Variants in NAALADL2 observed in about 807,000 individuals in gnomAD.
The protein encoded by NAALADL2 is N-acetylated alpha-linked acidic dipeptidase like 2.
Under a neutral mutation model 87.2 loss-of-function variants are expected in NAALADL2, and 76 were observed. That is an observed-to-expected ratio of 0.87 (90% CI 0.72 to 1.05). The LOEUF is 1.05. Ranked by LOEUF, NAALADL2 falls within the 50% of genes least tolerant of loss-of-function variation. The probability of loss-of-function intolerance (pLI) is 0.00; values close to 1 mark genes in which losing one functional copy is unlikely to be tolerated. For missense variants in NAALADL2, 1,089 were observed against 945.8 expected, an observed-to-expected ratio of 1.15 and a Z score of -1.99; for synonymous variants, 354 against 331.0, an observed-to-expected ratio of 1.07 and a Z score of -0.75.
intron 5 of NAALADL2, among the ~76,000 whole-genome samples, chr3:175,328,749 G>C (rs777901674): frequency 6.6e-6 from 1 of 152,146 alleles, no homozygotes; most frequent in African/African-American, 2.4e-5. Context: ...TATAATACCA[G>C]TGATAGGTTG....
upstream of NAALADL2, among the ~76,000 whole-genome samples, chr3:174,857,813 A>G (rs1477889989): frequency 6.6e-6 from 1 of 152,106 alleles, no homozygotes; most frequent in African/African-American, 2.4e-5. Context: ...GCTCCCTCAT[A>G]GAAGAAACTG....
chr3:175,666,192 A>G (rs972320492), intron 11 of NAALADL2, among the ~76,000 whole-genome samples: 3 of 152,100 alleles, frequency 2.0e-5, no homozygotes, highest in Non-Finnish European at 4.4e-5. Context: ...GGTGTATGGC[A>G]TTAAGTAGGG....
Position 175,806,739 on chromosome 3 carries a change from A to C in NAALADL2, c.*3536A>C, listed in dbSNP as rs2108378296. ...TAATTCCCACAACAACCCATTTCAA[A>C]ATGAGAAAACTAGGTTGAGTGACTT... On this transcript the variant is annotated 3_prime_UTR_variant, in exon 14 of 14. Coordinates refer to ENST00000454872, the MANE Select transcript of NAALADL2 (RefSeq NM_207015.3). 6.7e-6 allele frequency: 1 copy of C among 148,540 alleles called. No homozygotes were observed. The highest frequency in any genetic ancestry group is 6.7e-5 in the Admixed American group (1 of 14,896). The allele number at this position is 148,540 out of a possible 1,614,324, so 9.2% of individuals were successfully genotyped here. A position where few individuals can be genotyped will look rare whatever the true frequency, so the allele number is the denominator to read the frequency against.
chr3:175,654,273 T>G (rs1365744020), intron 11 of NAALADL2, among the ~76,000 whole-genome samples: 1 of 152,196 alleles, frequency 6.6e-6, no homozygotes, highest in Non-Finnish European at 1.5e-5. Flanking sequence ...ATTTGTCTGC[T>G]TTAAAAAACT....
chr3:175,306,281 T>G (rs1016770543), intron 4 of NAALADL2, among the ~76,000 whole-genome samples: 2 of 152,192 alleles, frequency 1.3e-5, no homozygotes, highest in African/African-American at 4.8e-5. Context: ...ATTTTACATA[T>G]TCCTTTTTCA....
chr3:175,309,893 C>A (rs1758157214), intron 4 of NAALADL2, among the ~76,000 whole-genome samples: 1 of 152,108 alleles, frequency 6.6e-6, no homozygotes, highest in Non-Finnish European at 1.5e-5. Context: ...AACTTCAGAG[C>A]TTTTCAGTGT....
rs558449310 is a variant in NAALADL2 at position 175,086,044 on chromosome 3, T to G, written c.44-10746T>G. Among the ~76,000 whole-genome samples the G allele has an allele frequency of 1.5e-3, 227 of 152,326 alleles. 1 individual carries two copies. The highest frequency in any genetic ancestry group is 3.0e-3 in the Non-Finnish European group (204 of 68,024). On this transcript the variant is annotated intron_variant, in intron 1 of 13. Coordinates refer to ENST00000454872, the MANE Select transcript of NAALADL2 (RefSeq NM_207015.3). ...TGTGAAAGCATTAGGGAAAAGAGTC[T>G]TTCGTTTTTCATAGAGTGTCAGAGA... is the stretch of plus-strand genomic sequence containing the variant.
At chr3:174,753,123 A>C (rs1387340270) in intron 3 of NAALADL2, among the ~76,000 whole-genome samples, 1 of 150,826 alleles carries the variant, frequency 6.6e-6, no homozygotes, top group Non-Finnish European at 1.5e-5. Flanking sequence ...TTTTTTTTTG[A>C]GACAGAATTT....
chr3:174,685,555 C>CACCT (rs1309075219), intron 2 of NAALADL2, among the ~76,000 whole-genome samples: 2 of 152,044 alleles, frequency 1.3e-5, no homozygotes, highest in East Asian at 3.9e-4. Context: ...GCAGAATGAA[C>CACCT]ACCTAATCTG....
intron 3 of NAALADL2, among the ~76,000 whole-genome samples, chr3:175,236,224 G>A (rs1745831673): frequency 6.6e-6 from 1 of 152,024 alleles, no homozygotes; most frequent in Non-Finnish European, 1.5e-5. Context: ...GTTTGCCTTG[G>A]TTTAAAAGGA....
At chr3:175,611,670 A>T (rs1431124103) in intron 10 of NAALADL2, among the ~76,000 whole-genome samples, 2 of 152,142 alleles carry the variant, frequency 1.3e-5, no homozygotes, top group African/African-American at 4.8e-5. Context: ...AAAATTAAGG[A>T]AAGATGCTAT....
At chr3:174,824,720 A>G (rs1044193968) in intron 3 of NAALADL2, among the ~76,000 whole-genome samples, 1 of 152,228 alleles carries the variant, frequency 6.6e-6, no homozygotes, top group Non-Finnish European at 1.5e-5. Flanking sequence ...TGTGCTGTGT[A>G]GCCTTTGGTT....
At chr3:174,706,585 T>A (rs1730089658) in intron 2 of NAALADL2, among the ~76,000 whole-genome samples, 1 of 152,204 alleles carries the variant, frequency 6.6e-6, no homozygotes, top group African/African-American at 2.4e-5. Flanking sequence ...ATTCTGTAGG[T>A]TGCCTGTGCA....
chr3:175,408,139 A>G (rs1712751301), intron 5 of NAALADL2, among the ~76,000 whole-genome samples: 1 of 152,136 alleles, frequency 6.6e-6, no homozygotes, highest in South Asian at 2.1e-4. Flanking sequence ...GAATGAGAAG[A>G]GGGAACATGT....
At chr3:175,232,773 A>C (rs950391310) in intron 2 of NAALADL2, among the ~76,000 whole-genome samples, 3 of 152,164 alleles carry the variant, frequency 2.0e-5, no homozygotes, top group Non-Finnish European at 2.9e-5. Context: ...AATAACAGTA[A>C]TATCAAAATA....
intron 3 of NAALADL2, among the ~76,000 whole-genome samples, chr3:174,842,651 T>C (rs906898082): frequency 6.6e-6 from 1 of 152,212 alleles, no homozygotes; most frequent in Non-Finnish European, 1.5e-5. Context: ...TCACAGCAGA[T>C]AATTACAATG....
intron 2 of NAALADL2, among the ~76,000 whole-genome samples, chr3:174,685,832 C>T (rs947267921): frequency 3.3e-5 from 5 of 151,418 alleles, no homozygotes; most frequent in Non-Finnish European, 7.4e-5. Context: ...CACCCCCACC[C>T]TTCCATAGGC....
intron 4 of NAALADL2, among the ~76,000 whole-genome samples, chr3:175,301,166 C>A (rs1314170241): frequency 6.6e-6 from 1 of 152,102 alleles, no homozygotes; most frequent in Non-Finnish European, 1.5e-5. Flanking sequence ...GCTCTTGCTT[C>A]TCTAGTTCTT....
At chr3:174,951,150 T>A (rs1740278970) in intron 1 of NAALADL2, among the ~76,000 whole-genome samples, 1 of 151,686 alleles carries the variant, frequency 6.6e-6, no homozygotes, top group South Asian at 2.1e-4. Context: ...TATACAACCC[T>A]ATTTTAGTTA....
Sources: allele counts gnomAD v4.1 joint callset (sites outside exome capture counted in the v4.1 genomes callset), GRCh38; gene constraint gnomAD v4.1.1; transcripts MANE v1.5; gene names NCBI Gene and HGNC (gene_info 2026-07-23, HGNC 2026-07-21).